Variants in ATP13A5 observed in about 807,000 individuals in gnomAD.
ATP13A5 encodes ATPase 13A5.
In ATP13A5, 149 loss-of-function variants were observed where a neutral mutation model predicts 150.2. The ratio of observed to expected loss-of-function variants is 0.99; its 90% CI spans 0.87 to 1.14. The LOEUF (loss-of-function observed/expected upper bound fraction) is 1.14, where lower values mean the gene tolerates loss of function less well. ATP13A5 is among the 50% of genes most tolerant of loss of function. The pLI is 0.00. For synonymous variants in ATP13A5, 497 were observed against 522.2 expected (o/e 0.95, Z 0.66); for missense variants, 1,383 against 1,449.3 (o/e 0.95, Z 0.74).
At chr3:193,297,288 TA>T (rs1278032939) in intron 25 of ATP13A5, among the ~76,000 whole-genome samples, 2 of 152,026 alleles carry the variant, frequency 1.3e-5, no homozygotes, top group Non-Finnish European at 2.9e-5. Flanking sequence ...AGGCTTAATG[TA>T]AGGGAAGAAA....
At chr3:193,303,479 C>T (rs1314690475) in intron 23 of ATP13A5, among the ~76,000 whole-genome samples, 1 of 151,678 alleles carries the variant, frequency 6.6e-6, no homozygotes, top group Non-Finnish European at 1.5e-5. Flanking sequence ...ATAAAACATG[C>T]CTGATGCATG....
chr3:193,363,652 A>G (rs1713127238), intron 2 of ATP13A5, among the ~76,000 whole-genome samples: 1 of 152,242 alleles, frequency 6.6e-6, no homozygotes, highest in Non-Finnish European at 1.5e-5. Flanking sequence ...GAAAATAAAA[A>G]GAAAGATAAT....
intron 25 of ATP13A5, among the ~76,000 whole-genome samples, chr3:193,290,683 T>C (rs1359135086): frequency 2.0e-5 from 3 of 152,130 alleles, no homozygotes; most frequent in African/African-American, 4.8e-5. Context: ...TGCTTCTAGA[T>C]GAGAGTGTTA....
intron 11 of ATP13A5, among the ~76,000 whole-genome samples, chr3:193,332,303 A>T (rs1439967765): frequency 6.6e-6 from 1 of 152,156 alleles, no homozygotes; most frequent in Non-Finnish European, 1.5e-5. Context: ...GCCATGTGGA[A>T]CTGTGAGTCT....
intron 1 of ATP13A5, chr3:193,372,433 T>C (rs1329048586): frequency 1.3e-5 from 2 of 154,878 alleles, no homozygotes; most frequent in Non-Finnish European, 2.9e-5. Context: ...TTTGGGAAAC[T>C]GTTTCTAATT....
intron 23 of ATP13A5, among the ~76,000 whole-genome samples, chr3:193,304,928 G>A (rs1000902990): frequency 2.6e-5 from 4 of 152,156 alleles, no homozygotes; most frequent in African/African-American, 9.7e-5. Flanking sequence ...GAAGCACGCA[G>A]GGGAAACTGC....
intron 25 of ATP13A5, among the ~76,000 whole-genome samples, chr3:193,293,055 C>T (rs182361647): frequency 4.2e-4 from 64 of 152,142 alleles, no homozygotes; most frequent in African/African-American, 1.5e-3. Flanking sequence ...GGTGAAGAAA[C>T]TGAGGCTCAG....
At chr3:193,338,825 G>T (rs1577358343) in intron 9 of ATP13A5, among the ~76,000 whole-genome samples, 1 of 152,138 alleles carries the variant, frequency 6.6e-6, no homozygotes, top group South Asian at 2.1e-4. Flanking sequence ...GCTTCTCCTT[G>T]TACCTCTGGT....
At chr3:193,353,761 A>T (rs1471597639) in intron 6 of ATP13A5, among the ~76,000 whole-genome samples, 1 of 152,198 alleles carries the variant, frequency 6.6e-6, no homozygotes, top group Non-Finnish European at 1.5e-5. Flanking sequence ...AAGCACCTTG[A>T]TCTTGGACTT....
rs1717114565 is a variant in ATP13A5 at position 193,274,941 on chromosome 3, GGA to G, written c.*99_*100del. On this transcript the variant is annotated 3_prime_UTR_variant, in exon 30 of 30. Transcript: ENST00000342358. ...GAAAATATACTTTGAATGCTTGAATGGAGAGAGGAAAGGTAAGGGGAGAGTAT... is the reference window on the plus strand; with the variant it reads ...GAAAATATACTTTGAATGCTTGAATGGAGAGGAAAGGTAAGGGGAGAGTAT... 5.4e-6 allele frequency: 8 copies of G among 1,474,596 alleles called. No individual in the cohort carries two copies. The East Asian group carries it at 1.8e-4, about 33-fold the overall frequency. The allele number at this position is 1,474,596 out of a possible 1,614,324, so 91.3% of individuals were successfully genotyped here. A position where few individuals can be genotyped will look rare whatever the true frequency, so the allele number is the denominator to read the frequency against.
At chr3:193,287,533 G>A (rs568782177) in intron 26 of ATP13A5, among the ~76,000 whole-genome samples, 9 of 152,220 alleles carry the variant, frequency 5.9e-5, no homozygotes, top group South Asian at 2.1e-4. Flanking sequence ...ATGACAGCAC[G>A]TCTGTTTACA....
At chr3:193,321,349 G>A (rs112788732) in intron 16 of ATP13A5, among the ~76,000 whole-genome samples, 5 of 152,266 alleles carry the variant, frequency 3.3e-5, no homozygotes, top group Non-Finnish European at 5.9e-5. Context: ...ATTTGGTCTC[G>A]GCTGGCCGCG....
intron 27 of ATP13A5, among the ~76,000 whole-genome samples, chr3:193,284,344 T>C (rs1156961894): frequency 2.0e-5 from 3 of 152,054 alleles, no homozygotes; most frequent in African/African-American, 4.8e-5. Flanking sequence ...AGGACCTTAA[T>C]TGTAGCTTTG....
intron 29 of ATP13A5, 89 bp from the exon 30 acceptor site, chr3:193,275,391 A>T: frequency 8.2e-6 from 12 of 1,471,266 alleles, no homozygotes; most frequent in Non-Finnish European, 1.1e-5. Flanking sequence ...TCCTTTCCCC[A>T]GGCCTTCCTC....
chr3:193,301,293 G>C lies in ATP13A5; in HGVS notation c.2693C>G (p.Ala898Gly), dbSNP rs553813639. ...VPHLIREGRA[A>G]LVSSFGVFKY... is the part of the protein sequence containing the mutation. ...AAATACTCCAAAGGATGAAACCAGAGCAGCTCGGCCTTCTCTGTTTAAAAA... is the reference window on the plus strand; with the variant it reads ...AAATACTCCAAAGGATGAAACCAGACCAGCTCGGCCTTCTCTGTTTAAAAA... Residue 898 changes from alanine (A) to glycine (G), a missense_variant, in exon 24 of 30, where the codon GCT (alanine) becomes GGT (glycine). Physicochemically the swap from Ala to Gly is moderately conservative, Grantham distance 60. Transcript: ENST00000342358. 9.9e-6 allele frequency: 16 copies of C among 1,612,684 alleles called. No individual in the cohort carries two copies. The Admixed American group carries it at 2.5e-4, about 25-fold the overall frequency.
Position 193,291,206 on chromosome 3 carries a change from C to A in ATP13A5, c.2849-1147G>T, listed in dbSNP as rs1221082437. ...ATGGTACCCAAAGGCCCTTTCAACT[C>A]TTTTATTCTAAAGCTCTATGACTAA... is the stretch of plus-strand genomic sequence containing the variant. On this transcript the variant is annotated intron_variant, in intron 25 of 29. Coordinates refer to ENST00000342358, the MANE Select transcript of ATP13A5 (RefSeq NM_198505.4). Among the ~76,000 whole-genome samples the A allele has an allele frequency of 4.0e-5, 5 of 124,174 alleles. No individual in the cohort carries two copies. The East Asian group carries it at 1.1e-3, about 28-fold the overall frequency. The allele number at this position is 124,174 out of a possible 152,430, so 81.5% of individuals were successfully genotyped here.
At chr3:193,315,202 G>A in intron 17 of ATP13A5, 106 bp from the exon 18 acceptor site, 1 of 1,107,004 alleles carries the variant, frequency 9.0e-7, no homozygotes, top group South Asian at 1.8e-5. Flanking sequence ...TGCAATACAG[G>A]CACATTTTAA....
intron 9 of ATP13A5, among the ~76,000 whole-genome samples, chr3:193,342,729 T>C (rs3893401): frequency 0.39 from 59,877 of 152,098 alleles, 12,330 homozygotes; most frequent in East Asian, 0.56. Context: ...CCAAGGGCAG[T>C]GAGACTTTCT....
chr3:193,363,479 A>AGCAGGAG, intron 2 of ATP13A5, 97 bp from the exon 3 acceptor site: 5 of 1,098,784 alleles, frequency 4.6e-6, no homozygotes, highest in Non-Finnish European at 6.5e-6. Flanking sequence ...ACTTTGACCC[A>AGCAGGAG]AACAAGCGCA....
Sources: allele counts gnomAD v4.1 joint callset (sites outside exome capture counted in the v4.1 genomes callset), GRCh38; gene constraint gnomAD v4.1.1; transcripts MANE v1.5; gene names NCBI Gene and HGNC (gene_info 2026-07-23, HGNC 2026-07-21).